Variants in ADGRG4 observed in about 807,000 individuals in gnomAD.
The protein encoded by ADGRG4 is adhesion G protein-coupled receptor G4.
ADGRG4 carries 122 observed loss-of-function variants against 126.2 expected under a neutral mutation model. The observed-to-expected ratio is 0.97, with a 90% CI of 0.83 to 1.12. The LOEUF (loss-of-function observed/expected upper bound fraction) is 1.12. Ranked by LOEUF, ADGRG4 falls within the 50% of genes most tolerant of loss-of-function variation. ADGRG4 has a pLI of 0.00. For synonymous variants in ADGRG4, 943 were observed against 838.7 expected (o/e 1.12, Z -2.15); for missense variants, 2,481 against 2,251.8 (o/e 1.10, Z -2.06).
At position 136,349,185 on chromosome X, in the gene ADGRG4, A is replaced by G. The variant is rs956029624; in HGVS notation, c.5479A>G (p.Ser1827Gly). The G allele has an allele frequency of 8.3e-7, 1 of 1,204,971 alleles. No homozygotes were observed. Residue 1827 changes from serine to glycine, a missense_variant, in exon 6 of 26, where the codon AGT (serine) becomes GGT (glycine). Transcript: ENST00000394143. ...PVSYPPWTPS[S>G]ATLPSLTSFV... is the part of the protein sequence containing the mutation. ...TTCATACCCTCCATGGACCCCATCC[A>G]GTGCAACTCTACCCTCTTTGACATC...
chrX:136,323,697 C>T (rs899877591), intron 5 of ADGRG4, among the ~76,000 whole-genome samples: 2 of 110,373 alleles, frequency 1.8e-5, no homozygotes, highest in African/African-American at 6.6e-5. Context: ...TGTGTATTTC[C>T]TAAGAATGAG....
intron 13 of ADGRG4, among the ~76,000 whole-genome samples, chrX:136,369,012 A>G (rs1603297521): frequency 9.0e-6 from 1 of 111,597 alleles, no homozygotes; most frequent in South Asian, 3.8e-4. Context: ...CAACAGCTTC[A>G]ACTGACCAGT....
chrX:136,343,343 A>T (rs1272004333), intron 5 of ADGRG4, among the ~76,000 whole-genome samples: 2 of 111,249 alleles, frequency 1.8e-5, no homozygotes, highest in African/African-American at 6.5e-5. Context: ...TGTTAATGAG[A>T]TATCCAAGAA....
intron 17 of ADGRG4, among the ~76,000 whole-genome samples, chrX:136,393,095 G>T (rs1414179715): frequency 2.7e-5 from 3 of 111,824 alleles, no homozygotes; most frequent in Non-Finnish European, 5.6e-5. Flanking sequence ...GAGACTACAG[G>T]AGCTGGTGAA....
intron 5 of ADGRG4, among the ~76,000 whole-genome samples, chrX:136,338,480 A>G (rs1377088274): frequency 2.7e-5 from 3 of 111,764 alleles, no homozygotes; most frequent in Middle Eastern, 4.6e-3. Flanking sequence ...CAAAAATTTT[A>G]AGTTCAGGAT....
chrX:136,387,907 T>A, intron 16 of ADGRG4, 33 bp downstream of exon 16: 1 of 1,138,892 alleles, frequency 8.8e-7, no homozygotes, highest in Non-Finnish European at 1.2e-6. Context: ...TGTGATGAAC[T>A]GGCATATGGT....
rs770029232 is a variant in ADGRG4, at chrX:136,349,593, G to A, written c.5887G>A (p.Ala1963Thr). 1.2e-5 allele frequency: 15 copies of A among 1,209,780 alleles called. No homozygotes were observed. In the Admixed American group the frequency reaches 3.3e-4, roughly 26 times the overall value. ...ENPSLSTSLRAITSTLADVKH... is the reference protein window; with the variant it reads ...ENPSLSTSLRTITSTLADVKH... ...CCCTTCATTATCAACATCTTTAAGA[G>A]CTATCACTTCCACATTGGCTGACGT... Residue 1963 changes from alanine to threonine, a missense_variant, in exon 6 of 26, where the codon GCT (alanine) becomes ACT (threonine). Transcript: ENST00000394143.
In ADGRG4 at chrX:136,348,934, G is replaced by T; in HGVS notation, c.5228G>T (p.Arg1743Ile). Residue 1743 changes from arginine (R) to isoleucine (I), a missense_variant, in exon 6 of 26, where the codon AGA becomes ATA. Arg to Ile is a moderately conservative substitution (Grantham distance 97, BLOSUM62 -3). Transcript: ENST00000394143. ...TGVALTDTYS[R>I]ITVPENMLSP... ...GTAGCTCTCACAGATACTTATTCCA[G>T]AATCACTGTTCCTGAAAATATGCTT... is the stretch of plus-strand genomic sequence containing the variant. The T allele has an allele frequency of 8.3e-7, 1 of 1,207,614 alleles. No individual in the cohort carries two copies. The highest frequency in any genetic ancestry group is 1.1e-6 in the Non-Finnish European group (1 of 892,632).
chrX:136,360,611 G>C (rs2075122498), intron 11 of ADGRG4, among the ~76,000 whole-genome samples: 1 of 111,376 alleles, frequency 9.0e-6, no homozygotes, highest in Non-Finnish European at 1.9e-5. Context: ...ACATGGTGAT[G>C]CATGCCTGTA....
chrX:136,344,786 G>A lies in ADGRG4; in HGVS notation c.1080G>A (p.Met360Ile). The change falls in exon 6 of 26, where the codon ATG becomes ATA. Residue 360 changes from methionine (M) to isoleucine (I), a missense_variant. Coordinates refer to ENST00000394143, the MANE Select transcript of ADGRG4 (RefSeq NM_153834.4). ...STKTTKMVEA[M>I]ATEIFQPPTP... is the part of the protein sequence containing the mutation. ...AGACAACAAAAATGGTTGAAGCCAT[G>A]GCTACTGAAATCTTTCAACCACCTA... 8.3e-7 allele frequency: 1 copy of A among 1,208,908 alleles called. No homozygotes were observed. The highest frequency in any genetic ancestry group is 1.1e-6 in the Non-Finnish European group (1 of 893,594).
chrX:136,393,207 A>G (rs2075328904), intron 17 of ADGRG4, among the ~76,000 whole-genome samples: 1 of 112,021 alleles, frequency 8.9e-6, no homozygotes, highest in Admixed American at 9.5e-5. Flanking sequence ...CTCCAGAAGG[A>G]ACACATCAGC....
At chrX:136,409,254 A>C (rs1054727846) in intron 23 of ADGRG4, among the ~76,000 whole-genome samples, 2 of 112,015 alleles carry the variant, frequency 1.8e-5, no homozygotes, top group African/African-American at 6.5e-5. Flanking sequence ...GGAATGCACA[A>C]ATAAAAATGC....
intron 23 of ADGRG4, among the ~76,000 whole-genome samples, chrX:136,410,526 A>T (rs775865261): frequency 1.8e-5 from 2 of 111,914 alleles, no homozygotes; most frequent in Non-Finnish European, 3.8e-5. Flanking sequence ...CCTCTTTGAT[A>T]CTAATCATTT....
At chrX:136,395,634 G>T (rs1006225613) in intron 19 of ADGRG4, 141 bp downstream of exon 19, 1 of 352,971 alleles carries the variant, frequency 2.8e-6, no homozygotes, top group East Asian at 4.5e-5. Context: ...AAGTAGATCA[G>T]ATTGAGACAA....
At chrX:136,351,574 A>G (rs762582996) in intron 7 of ADGRG4, 33 bp downstream of exon 7, 13 of 692,861 alleles carry the variant, frequency 1.9e-5, no homozygotes, top group Non-Finnish European at 2.8e-5. Flanking sequence ...TATGGCATAT[A>G]TAAATATATG....
At chrX:136,392,589 G>A (rs2075325579) in intron 17 of ADGRG4, among the ~76,000 whole-genome samples, 2 of 111,760 alleles carry the variant, frequency 1.8e-5, no homozygotes, top group South Asian at 7.5e-4. Context: ...GGCAGTGACT[G>A]GATCTTTTGG....
chrX:136,303,772 C>T (rs2074717387), intron 1 of ADGRG4, among the ~76,000 whole-genome samples: 1 of 111,237 alleles, frequency 9.0e-6, no homozygotes, highest in African/African-American at 3.3e-5. Context: ...TATGGTTGAG[C>T]CCCAAATTCA....
chrX:136,412,442 T>G, intron 24 of ADGRG4, 76 bp downstream of exon 24: 1 of 638,491 alleles, frequency 1.6e-6, no homozygotes, highest in Non-Finnish European at 2.6e-6. Flanking sequence ...GTCTCCTAAC[T>G]TGAGTACTTA....
chrX:136,391,190 C>T (rs892348560), intron 16 of ADGRG4, among the ~76,000 whole-genome samples: 1 of 111,450 alleles, frequency 9.0e-6, no homozygotes, highest in Non-Finnish European at 1.9e-5. Flanking sequence ...TTGGCATCTT[C>T]TAAAAGTGGC....
Sources: gnomAD v4.1 joint callset for allele counts (sites outside exome capture counted in the v4.1 genomes callset) on GRCh38, gnomAD v4.1.1 for gene constraint, MANE v1.5 for transcripts, NCBI Gene and HGNC (gene_info 2026-07-23, HGNC 2026-07-21) for gene names.